The following NLRP7 variants were observed in gnomAD, a reference collection of about 807,000 sequenced individuals.
NLRP7 encodes NACHT, LRR and PYD domains-containing protein 7.
In NLRP7, 72 loss-of-function variants were observed where a neutral mutation model predicts 85.5. The observed-to-expected ratio is 0.84, with a 90% CI of 0.70 to 1.02. The LOEUF (loss-of-function observed/expected upper bound fraction) is 1.02. Ranked by LOEUF, NLRP7 falls within the 50% of genes least tolerant of loss-of-function variation. The pLI, the probability that NLRP7 is intolerant of heterozygous loss-of-function variation, is 0.00. For synonymous variants in NLRP7, 550 were observed against 505.2 expected, an observed-to-expected ratio of 1.09 and a Z score of -1.19; for missense variants, 1,243 against 1,219.5, an observed-to-expected ratio of 1.02 and a Z score of -0.29.
At chr19:54,936,569 C>T in intron 5 of NLRP7, 138 bp from the exon 6 acceptor site, 1 of 770,360 alleles carries the variant, frequency 1.3e-6, no homozygotes, top group Non-Finnish European at 2.2e-6. Flanking sequence ...TGTCTGTAAC[C>T]CCAGCACTTT....
intron 1 of NLRP7, among the ~76,000 whole-genome samples, chr19:54,962,107 G>A (rs1401287258): frequency 5.5e-5 from 8 of 145,644 alleles, no homozygotes; most frequent in Non-Finnish European, 1.1e-4. Context: ...AGGTTGCAGT[G>A]AGCTGAGATC....
At chr19:54,926,205 G>GGGGTGTGTGT (rs375777486) in intron 9 of NLRP7, among the ~76,000 whole-genome samples, 12 of 143,642 alleles carry the variant, frequency 8.4e-5, no homozygotes, top group Non-Finnish European at 1.7e-4. Flanking sequence ...AATGATTAGG[G>GGGGTGTGTGT]GTGTGTGTGT....
intron 9 of NLRP7, among the ~76,000 whole-genome samples, chr19:54,925,562 T>G (rs1171600214): frequency 6.6e-6 from 1 of 152,112 alleles, no homozygotes; most frequent in Admixed American, 6.6e-5. Flanking sequence ...TCCGGGTACT[T>G]TGTGAGGCCA....
intron 1 of NLRP7, chr19:54,953,147 G>C (rs954309083): frequency 2.6e-5 from 4 of 152,064 alleles, no homozygotes; most frequent in African/African-American, 7.2e-5. Context: ...AGGTCATAAG[G>C]ACCTTGCTGA....
intron 1 of NLRP7, among the ~76,000 whole-genome samples, chr19:54,955,349 C>A (rs913711648): frequency 2.6e-5 from 4 of 151,908 alleles, no homozygotes; most frequent in Non-Finnish European, 4.4e-5. Flanking sequence ...TAAATAAAAT[C>A]ATTGGAATAA....
intron 9 of NLRP7, chr19:54,927,755 A>C (rs1453939958): frequency 6.2e-7 from 1 of 1,613,990 alleles, no homozygotes; most frequent in Non-Finnish European, 8.5e-7. Context: ...ATAGAAAGGC[A>C]TGAGGGAGCA....
At chr19:54,951,105 G>A (rs1038786883), upstream of NLRP7, among the ~76,000 whole-genome samples, 2 of 152,314 alleles carry the variant, frequency 1.3e-5, no homozygotes, top group Middle Eastern at 3.4e-3. Flanking sequence ...GTTTCAGAGA[G>A]CACAGGGTTG....
At chr19:54,924,095 G>A (rs901175792) in intron 9 of NLRP7, among the ~76,000 whole-genome samples, 1 of 152,144 alleles carries the variant, frequency 6.6e-6, no homozygotes, top group Admixed American at 6.6e-5. Flanking sequence ...AGGCTCCTGA[G>A]TAACTGTGAT....
At chr19:54,933,739 C>T (rs2068773814) in exon 8 of NLRP7, 1 of 1,613,688 alleles carries the variant, frequency 6.2e-7, no homozygotes, top group African/African-American at 1.3e-5. Flanking sequence ...AGTTTTCCAA[C>T]CTGCAAAAAT....
chr19:54,962,430 G>A (rs1568441712), intron 1 of NLRP7, among the ~76,000 whole-genome samples: 1 of 150,844 alleles, frequency 6.6e-6, no homozygotes, highest in Non-Finnish European at 1.5e-5. Flanking sequence ...ACTACGCCTG[G>A]CTAATTTTTT....
chr19:54,953,123 T>G (rs1182919989), intron 1 of NLRP7: 3 of 150,780 alleles, frequency 2.0e-5, no homozygotes, highest in Admixed American at 2.0e-4. Context: ...ATGAGATAAG[T>G]CAGCACAAGA....
At chr19:54,947,848 C>T (rs2069542182), upstream of NLRP7, 1 of 251,422 alleles carries the variant, frequency 4.0e-6, no homozygotes, top group Non-Finnish European at 8.1e-6. Flanking sequence ...GCTTTAAAAA[C>T]TCTTGTAGAG....
chr19:54,929,885 C>T (rs946747859), intron 9 of NLRP7, among the ~76,000 whole-genome samples: 2 of 151,838 alleles, frequency 1.3e-5, no homozygotes, highest in Non-Finnish European at 2.9e-5. Context: ...AAGGCCAAGG[C>T]GGGCAGATCA....
upstream of NLRP7, among the ~76,000 whole-genome samples, chr19:54,952,078 G>T (rs978663860): frequency 1.3e-5 from 2 of 152,094 alleles, no homozygotes; most frequent in African/African-American, 4.8e-5. Flanking sequence ...TATCTGCACG[G>T]TTCCTACAGA....
intron 1 of NLRP7, among the ~76,000 whole-genome samples, chr19:54,952,533 G>T (rs1211476380): frequency 6.6e-6 from 1 of 151,690 alleles, no homozygotes; most frequent in Non-Finnish European, 1.5e-5. Context: ...GGCGGAGGTT[G>T]CAGTGAGCAA....
upstream of NLRP7, chr19:54,947,700 C>T: frequency 8.1e-7 from 1 of 1,229,596 alleles, no homozygotes; most frequent in Non-Finnish European, 1.1e-6. Flanking sequence ...CTTCAGTGGG[C>T]TTTGGAGAAT....
intron 2 of NLRP7, 54 bp downstream of exon 2, chr19:54,941,381 C>CA (rs55704982): frequency 0.066 from 43,648 of 660,896 alleles, 280 homozygotes; most frequent in Non-Finnish European, 0.074. Context: ...GACTCCATCT[C>CA]AAAAAAAAAA....
At chr19:54,930,120 A>G (rs1444847909) in intron 9 of NLRP7, among the ~76,000 whole-genome samples, 2 of 149,710 alleles carry the variant, frequency 1.3e-5, no homozygotes, top group Non-Finnish European at 3.0e-5. Context: ...CGTCTCAAAA[A>G]AAAAAAAAAA....
At chr19:54,926,340 C>T (rs1046578220) in intron 9 of NLRP7, among the ~76,000 whole-genome samples, 7 of 152,120 alleles carry the variant, frequency 4.6e-5, no homozygotes, top group African/African-American at 1.7e-4. Context: ...ATTCAATTCA[C>T]AGAGCATTTT....
Sources: allele counts gnomAD v4.1 joint callset (sites outside exome capture counted in the v4.1 genomes callset), GRCh38; gene constraint gnomAD v4.1.1; transcripts MANE v1.5; gene names NCBI Gene and HGNC (gene_info 2026-07-23, HGNC 2026-07-21).